The following ENOX1 variants were observed in gnomAD, a reference collection of about 807,000 sequenced individuals.
The protein encoded by ENOX1 is candidate growth-related and time keeping constitutive hydroquinone (NADH) oxidase.
Under a neutral mutation model 82.5 loss-of-function variants are expected in ENOX1, and 42 were observed. The observed-to-expected ratio is 0.51, with a 90% CI of 0.40 to 0.66. ENOX1 has a LOEUF of 0.66. ENOX1 is among the 30% of genes least tolerant of loss of function. ENOX1 has a pLI of 0.00. For synonymous variants in ENOX1, 271 were observed against 282.2 expected, an observed-to-expected ratio of 0.96 and a Z score of 0.40; for missense variants, 608 against 811.6, an observed-to-expected ratio of 0.75 and a Z score of 3.05.
intron 5 of ENOX1, among the ~76,000 whole-genome samples, chr13:43,388,666 G>C (rs936323447): frequency 6.6e-6 from 1 of 152,276 alleles, no homozygotes; most frequent in South Asian, 2.1e-4. Context: ...AAATCCTAAG[G>C]TAAAAGCAGT....
chr13:43,666,569 C>G (rs57962354), intron 2 of ENOX1, among the ~76,000 whole-genome samples: 7,534 of 152,144 alleles, frequency 0.05, 578 homozygotes, highest in African/African-American at 0.17. Context: ...GAAAGGCCTG[C>G]GACAGATTCT....
intron 14 of ENOX1, among the ~76,000 whole-genome samples, chr13:43,237,990 G>C (rs1038845076): frequency 6.6e-6 from 1 of 152,226 alleles, no homozygotes; most frequent in Non-Finnish European, 1.5e-5. Flanking sequence ...CCACTTATTT[G>C]CTGAAGACCA....
chr13:43,722,159 G>T (rs1336509864), intron 1 of ENOX1, among the ~76,000 whole-genome samples: 1 of 152,082 alleles, frequency 6.6e-6, no homozygotes, highest in Admixed American at 6.5e-5. Context: ...GGGATAAAAG[G>T]GTATTTAAAA....
At chr13:43,655,120 T>A (rs1372024517) in intron 2 of ENOX1, among the ~76,000 whole-genome samples, 2 of 152,196 alleles carry the variant, frequency 1.3e-5, no homozygotes, top group South Asian at 2.1e-4. Flanking sequence ...TTCCTTGACC[T>A]CTAATTCCTA....
At chr13:43,606,846 CT>C (rs1464480119) in intron 2 of ENOX1, among the ~76,000 whole-genome samples, 1 of 151,852 alleles carries the variant, frequency 6.6e-6, no homozygotes, top group Non-Finnish European at 1.5e-5. Context: ...AAAACCCCAT[CT>C]CTACTAAAAA....
chr13:43,348,121 A>G (rs905932071), intron 8 of ENOX1, among the ~76,000 whole-genome samples: 7 of 151,840 alleles, frequency 4.6e-5, no homozygotes, highest in African/African-American at 1.7e-4. Context: ...GGTCTCTCCC[A>G]CTCCTGGTCC....
At chr13:43,650,191 C>T (rs769011869) in intron 2 of ENOX1, among the ~76,000 whole-genome samples, 2 of 152,270 alleles carry the variant, frequency 1.3e-5, no homozygotes, top group African/African-American at 2.4e-5. Context: ...AAAGTAACAC[C>T]GTTAGGTATC....
chr13:43,367,566 A>T (rs1477972305), intron 5 of ENOX1, among the ~76,000 whole-genome samples: 2 of 152,176 alleles, frequency 1.3e-5, no homozygotes, highest in Non-Finnish European at 2.9e-5. Flanking sequence ...AGAGAAAGAC[A>T]TGAAACTGAT....
At chr13:43,528,635 C>T (rs767059218) in intron 2 of ENOX1, among the ~76,000 whole-genome samples, 6 of 151,982 alleles carry the variant, frequency 3.9e-5, no homozygotes, top group Non-Finnish European at 8.8e-5. Flanking sequence ...CATTTTGCTG[C>T]AGTAGAGCTG....
intron 2 of ENOX1, among the ~76,000 whole-genome samples, chr13:43,632,538 C>T (rs1054399450): frequency 2.6e-5 from 4 of 151,696 alleles, no homozygotes; most frequent in African/African-American, 7.3e-5. Flanking sequence ...CTCTGCCTTC[C>T]GTGTTCAAGC....
chr13:43,603,302 TAAGA>T (rs1420106254), intron 2 of ENOX1, among the ~76,000 whole-genome samples: 1 of 152,018 alleles, frequency 6.6e-6, no homozygotes, highest in African/African-American at 2.4e-5. Flanking sequence ...TCCCTTCTCC[TAAGA>T]GTTTAATAAT....
At chr13:43,500,182 T>G (rs1593506583) in intron 2 of ENOX1, among the ~76,000 whole-genome samples, 1 of 152,188 alleles carries the variant, frequency 6.6e-6, no homozygotes, top group East Asian at 1.9e-4. Flanking sequence ...AACAGAAAGC[T>G]TATTTAAAGA....
At chr13:43,542,935 C>CTTT (rs2078807270) in intron 2 of ENOX1, among the ~76,000 whole-genome samples, 1 of 152,160 alleles carries the variant, frequency 6.6e-6, no homozygotes, top group Admixed American at 6.5e-5. Flanking sequence ...TCTAGGGCCT[C>CTTT]TTTTATAAAG....
intron 1 of ENOX1, among the ~76,000 whole-genome samples, chr13:43,753,460 T>C (rs148278579): frequency 1.6e-3 from 237 of 152,314 alleles, no homozygotes; most frequent in African/African-American, 5.0e-3. Flanking sequence ...TTCCTGACTG[T>C]TCATTGCTGG....
intron 8 of ENOX1, among the ~76,000 whole-genome samples, chr13:43,345,328 C>A (rs2049313544): frequency 6.6e-6 from 1 of 152,022 alleles, no homozygotes; most frequent in Non-Finnish European, 1.5e-5. Context: ...AGGGCTAATA[C>A]CATATATTTA....
At chr13:43,583,126 G>C (rs1230214879) in intron 2 of ENOX1, among the ~76,000 whole-genome samples, 5 of 152,060 alleles carry the variant, frequency 3.3e-5, no homozygotes, top group Non-Finnish European at 7.4e-5. Flanking sequence ...GGGAAGAAAA[G>C]ACTAGGACAG....
At chr13:43,577,625 C>A (rs1447556806) in intron 2 of ENOX1, among the ~76,000 whole-genome samples, 1 of 152,182 alleles carries the variant, frequency 6.6e-6, no homozygotes, top group Admixed American at 6.5e-5. Context: ...CTAACCCATT[C>A]ATGAGAATGA....
At chr13:43,260,320 T>C (rs959648367) in intron 14 of ENOX1, among the ~76,000 whole-genome samples, 1 of 152,250 alleles carries the variant, frequency 6.6e-6, no homozygotes, top group Non-Finnish European at 1.5e-5. Context: ...GAAGGTGTTC[T>C]GTTTGACAGT....
chr13:43,635,645 A>G (rs974777045), intron 2 of ENOX1, among the ~76,000 whole-genome samples: 1 of 152,168 alleles, frequency 6.6e-6, no homozygotes, highest in Non-Finnish European at 1.5e-5. Context: ...AATATAAAAT[A>G]TGATGTATAT....
Sources: gnomAD v4.1 joint callset for allele counts (sites outside exome capture counted in the v4.1 genomes callset) on GRCh38, gnomAD v4.1.1 for gene constraint, MANE v1.5 for transcripts, NCBI Gene and HGNC (gene_info 2026-07-23, HGNC 2026-07-21) for gene names.